Variants in NAV3 observed in about 807,000 individuals in gnomAD.
NAV3 encodes pore membrane and/or filament interacting like protein 1.
In NAV3, 87 loss-of-function variants were observed where a neutral mutation model predicts 244.7. That is an observed-to-expected ratio of 0.36 (90% CI 0.30 to 0.42). The LOEUF (loss-of-function observed/expected upper bound fraction) is 0.42, where lower values mean the gene tolerates loss of function less well. NAV3 is among the 20% of genes least tolerant of loss of function. The pLI is 1.00. For synonymous variants in NAV3, 1,126 were observed against 1,042.2 expected (o/e 1.08, Z -1.55); for missense variants, 2,663 against 2,893.3 (o/e 0.92, Z 1.83).
At chr12:77,710,607 G>T (rs1205524994) in intron 2 of NAV3, among the ~76,000 whole-genome samples, 2 of 152,014 alleles carry the variant, frequency 1.3e-5, no homozygotes, top group Admixed American at 6.6e-5. Context: ...TATAATATAT[G>T]GCATAATCAT....
At chr12:77,864,288 A>T (rs943224102) in intron 1 of NAV3, among the ~76,000 whole-genome samples, 1 of 151,836 alleles carries the variant, frequency 6.6e-6, no homozygotes, top group Non-Finnish European at 1.5e-5. Flanking sequence ...GGGCCCAATG[A>T]TTCACAAATG....
At chr12:78,044,417 C>CT (rs1210072150) in intron 9 of NAV3, among the ~76,000 whole-genome samples, 1 of 152,054 alleles carries the variant, frequency 6.6e-6, no homozygotes, top group Non-Finnish European at 1.5e-5. Flanking sequence ...TATACGGGCT[C>CT]TTTTTTGGTT....
chr12:78,028,674 G>T (rs943191069), intron 9 of NAV3, among the ~76,000 whole-genome samples: 2 of 152,186 alleles, frequency 1.3e-5, no homozygotes, highest in African/African-American at 4.8e-5. Context: ...TAACAAAAAG[G>T]CTTGGATCAC....
At chr12:78,084,205 C>T (rs1250991887) in intron 12 of NAV3, among the ~76,000 whole-genome samples, 1 of 152,192 alleles carries the variant, frequency 6.6e-6, no homozygotes, top group East Asian at 1.9e-4. Flanking sequence ...GTCTTTCTTT[C>T]CCTTTCTCAG....
chr12:77,735,234 G>C (rs1350399252), intron 2 of NAV3, among the ~76,000 whole-genome samples: 1 of 152,112 alleles, frequency 6.6e-6, no homozygotes, highest in Non-Finnish European at 1.5e-5. Flanking sequence ...TATTGAAAAT[G>C]AGTCCACTGA....
chr12:77,766,644 T>C (rs1356525327), intron 2 of NAV3, among the ~76,000 whole-genome samples: 2 of 152,066 alleles, frequency 1.3e-5, no homozygotes, highest in Non-Finnish European at 1.5e-5. Flanking sequence ...TTCAGTCTCT[T>C]TCTATTTTTT....
At chr12:77,655,420 G>A (rs1051484745) in intron 2 of NAV3, among the ~76,000 whole-genome samples, 1 of 152,160 alleles carries the variant, frequency 6.6e-6, no homozygotes, top group Admixed American at 6.6e-5. Flanking sequence ...AGAATAAAAA[G>A]AAACGAACAA....
At chr12:78,008,607 T>G (rs1264575769) in intron 8 of NAV3, among the ~76,000 whole-genome samples, 2 of 152,224 alleles carry the variant, frequency 1.3e-5, no homozygotes, top group Admixed American at 1.3e-4. Flanking sequence ...TTTTATTAAA[T>G]TTTTTGAATG....
chr12:78,127,353 C>A, intron 17 of NAV3, 145 bp downstream of exon 17: 1 of 764,074 alleles, frequency 1.3e-6, no homozygotes, highest in Non-Finnish European at 2.1e-6. Context: ...TTCTCTGGCC[C>A]GAACAGTTGG....
At chr12:78,074,962 A>G (rs900674599) in intron 12 of NAV3, among the ~76,000 whole-genome samples, 5 of 152,184 alleles carry the variant, frequency 3.3e-5, no homozygotes, top group African/African-American at 9.7e-5. Context: ...TGGGAAAAGA[A>G]AAAAAGAAAT....
chr12:77,597,906 C>G (rs1266204502), intron 2 of NAV3, among the ~76,000 whole-genome samples: 1 of 151,882 alleles, frequency 6.6e-6, no homozygotes, highest in African/African-American at 2.4e-5. Context: ...AGCAAGCCTC[C>G]CTATATCTCT....
intron 2 of NAV3, among the ~76,000 whole-genome samples, chr12:77,724,913 A>C (rs1876808675): frequency 6.6e-6 from 1 of 151,968 alleles, no homozygotes; most frequent in Non-Finnish European, 1.5e-5. Flanking sequence ...GTGAATTTAC[A>C]CTCCCTTTAA....
intron 2 of NAV3, among the ~76,000 whole-genome samples, chr12:77,599,107 G>A (rs981947135): frequency 1.3e-5 from 2 of 151,852 alleles, no homozygotes; most frequent in African/African-American, 2.4e-5. Context: ...CATGTGAGTG[G>A]AATCAAGTAA....
At chr12:77,653,665 G>A (rs1383602212) in intron 2 of NAV3, among the ~76,000 whole-genome samples, 1 of 152,174 alleles carries the variant, frequency 6.6e-6, no homozygotes, top group Non-Finnish European at 1.5e-5. Context: ...GAAATGGGAT[G>A]TTGCTGGGAG....
At chr12:78,077,853 G>A (rs914342068) in intron 12 of NAV3, among the ~76,000 whole-genome samples, 5 of 152,168 alleles carry the variant, frequency 3.3e-5, no homozygotes, top group Admixed American at 6.5e-5. Flanking sequence ...CAGGAGAATC[G>A]CTTGAACCTG....
At chr12:77,976,898 C>G (rs1311015398) in intron 5 of NAV3, among the ~76,000 whole-genome samples, 1 of 151,884 alleles carries the variant, frequency 6.6e-6, no homozygotes, top group Non-Finnish European at 1.5e-5. Context: ...AGGATGGTCT[C>G]GATCTTGACC....
intron 21 of NAV3, among the ~76,000 whole-genome samples, chr12:78,147,612 GA>G (rs35483763): frequency 0.4 from 57,171 of 141,514 alleles, 11,266 homozygotes; most frequent in Non-Finnish European, 0.44. Flanking sequence ...ATCTGTTCCG[GA>G]AAAAAAAAAA....
At chr12:77,635,590 T>C (rs1294128834) in intron 2 of NAV3, among the ~76,000 whole-genome samples, 2 of 152,190 alleles carry the variant, frequency 1.3e-5, no homozygotes, top group South Asian at 4.1e-4. Flanking sequence ...ACAATGAGCT[T>C]TACTTGGAAC....
intron 1 of NAV3, among the ~76,000 whole-genome samples, chr12:77,868,081 G>T (rs1346686379): frequency 7.0e-6 from 1 of 143,286 alleles, no homozygotes; most frequent in Non-Finnish European, 1.5e-5. Context: ...TTTTCTTCCA[G>T]TCAAACCTTG....
Sources: allele counts gnomAD v4.1 joint callset (sites outside exome capture counted in the v4.1 genomes callset), GRCh38; gene constraint gnomAD v4.1.1; transcripts MANE v1.5; gene names NCBI Gene and HGNC (gene_info 2026-07-23, HGNC 2026-07-21).